GUCY1A2: variants seen among roughly 807,000 people sequenced by gnomAD.
GUCY1A2 encodes guanylate cyclase soluble subunit alpha-2.
GUCY1A2 carries 27 observed loss-of-function variants against 63.5 expected under a neutral mutation model. The ratio of observed to expected loss-of-function variants is 0.43; its 90% CI spans 0.31 to 0.59. The LOEUF is 0.59. Among genes scored for constraint, GUCY1A2 ranks in the 20% least tolerant of loss-of-function variants. GUCY1A2 has a pLI of 0.11. For synonymous variants in GUCY1A2, 364 were observed against 343.5 expected (o/e 1.06, Z -0.66); for missense variants, 768 against 913.3 (o/e 0.84, Z 2.05).
Position 107,018,021 on chromosome 11 carries a change from C to T in GUCY1A2, c.35G>A (p.Ser12Asn). Residue 12 changes from serine to asparagine, a missense_variant, in exon 1 of 8, where the codon AGC becomes AAC. Physicochemically the swap from Ser to Asn is conservative, Grantham distance 46 (BLOSUM62 1). This residue lies in a region of GUCY1A2 where 496 missense variants were observed against 486.9 expected (regional missense o/e 1.02). Transcript: ENST00000526355. ...CTCCAGGTAGTCGGAGCCCAGGGAGCTGAAGGACTCGGACGAAATCTTCCT... is the reference window on the plus strand; with the variant it reads ...CTCCAGGTAGTCGGAGCCCAGGGAGTTGAAGGACTCGGACGAAATCTTCCT... ...SRRKISSESFSSLGSDYLETS... is the reference protein window; with the variant it reads ...SRRKISSESFNSLGSDYLETS... 6.8e-7 allele frequency: 1 copy of T among 1,477,876 alleles called. No homozygotes were observed. Among genetic ancestry groups the T allele is most frequent in the Non-Finnish European group, 9.1e-7 (1 of 1,103,766 alleles). 91.5% of individuals were successfully genotyped at this position (1,477,876 alleles called of 1,614,324 possible). A position where few individuals can be genotyped will look rare whatever the true frequency, so the allele number is the denominator to read the frequency against.
chr11:106,925,527 G>A (rs1860509934), intron 4 of GUCY1A2, among the ~76,000 whole-genome samples: 3 of 152,146 alleles, frequency 2.0e-5, no homozygotes, highest in African/African-American at 7.2e-5. Context: ...AGAAACATAA[G>A]TGGAATAAAT....
At chr11:106,769,496 G>A (rs1864218567) in intron 6 of GUCY1A2, among the ~76,000 whole-genome samples, 1 of 152,068 alleles carries the variant, frequency 6.6e-6, no homozygotes, top group African/African-American at 2.4e-5. Context: ...AACTACAGAA[G>A]AGACTCATAA....
intron 4 of GUCY1A2, among the ~76,000 whole-genome samples, chr11:106,834,397 C>G (rs1393430856): frequency 6.6e-6 from 1 of 151,916 alleles, no homozygotes; most frequent in African/African-American, 2.4e-5. Context: ...TTTTACGTTG[C>G]ATCCAAATAG....
Position 106,685,801 on chromosome 11 carries a change from G to C in GUCY1A2, c.*1748C>G, listed in dbSNP as rs144613558. 5.2e-4 allele frequency: 117 copies of C among 226,448 alleles called. 1 individual carries two copies. In the East Asian group the frequency reaches 7.3e-3, roughly 14 times the overall value. 14.0% of individuals were successfully genotyped at this position (226,448 alleles called of 1,614,324 possible). On this transcript the variant is annotated 3_prime_UTR_variant, in exon 8 of 8. Coordinates refer to ENST00000526355, the MANE Select transcript of GUCY1A2 (RefSeq NM_000855.3). ...CTATTTCCTGTCTTCTCCATATAAA[G>C]AGTGTTGCACTCGTGTCCTTGTAAA...
intron 4 of GUCY1A2, among the ~76,000 whole-genome samples, chr11:106,858,145 G>T (rs1859462293): frequency 6.6e-6 from 1 of 152,052 alleles, no homozygotes; most frequent in Admixed American, 6.6e-5. Context: ...ATATTTAACA[G>T]ATTTCAAAAG....
intron 4 of GUCY1A2, among the ~76,000 whole-genome samples, chr11:106,882,613 T>G (rs145090345): frequency 6.6e-6 from 1 of 152,070 alleles, no homozygotes; most frequent in East Asian, 1.9e-4. Flanking sequence ...TTTATAAATC[T>G]AATCCATAAG....
At chr11:106,761,290 A>G (rs1864062062) in intron 6 of GUCY1A2, among the ~76,000 whole-genome samples, 1 of 152,200 alleles carries the variant, frequency 6.6e-6, no homozygotes, top group Non-Finnish European at 1.5e-5. Context: ...ACAAAATGTT[A>G]GTTATTCACA....
chr11:106,834,119 A>G (rs951052919), intron 4 of GUCY1A2, among the ~76,000 whole-genome samples: 5 of 152,012 alleles, frequency 3.3e-5, no homozygotes, highest in African/African-American at 4.8e-5. Flanking sequence ...TATATAGTAC[A>G]TTAACTATAG....
chr11:106,851,223 T>C (rs772757961), intron 4 of GUCY1A2, among the ~76,000 whole-genome samples: 35 of 151,938 alleles, frequency 2.3e-4, no homozygotes, highest in Admixed American at 8.5e-4. Context: ...TGTTGATTTG[T>C]CTGAGTTCCT....
chr11:106,994,409 C>T (rs1047073840), intron 1 of GUCY1A2, among the ~76,000 whole-genome samples: 7 of 152,208 alleles, frequency 4.6e-5, no homozygotes, highest in Admixed American at 1.3e-4. Flanking sequence ...AAAACATACA[C>T]TCCCTGAAGT....
intron 3 of GUCY1A2, 68 bp from the exon 4 acceptor site, chr11:106,940,246 G>T: frequency 2.7e-6 from 2 of 752,846 alleles, no homozygotes; most frequent in Non-Finnish European, 4.4e-6. Context: ...AGCTTTTTAA[G>T]TGCTTATCAA....
At chr11:106,914,147 G>T (rs528534493) in intron 4 of GUCY1A2, among the ~76,000 whole-genome samples, 1 of 152,036 alleles carries the variant, frequency 6.6e-6, no homozygotes, top group Non-Finnish European at 1.5e-5. Flanking sequence ...TGTGTAGTAA[G>T]TATATTACAC....
At chr11:106,974,045 A>AT (rs1861231351) in intron 3 of GUCY1A2, among the ~76,000 whole-genome samples, 1 of 152,094 alleles carries the variant, frequency 6.6e-6, no homozygotes, top group Admixed American at 6.6e-5. Context: ...GCTGAGATGC[A>AT]TTTTCAACCC....
At chr11:106,708,739 C>G in intron 6 of GUCY1A2, 73 bp from the exon 7 acceptor site, 1 of 863,656 alleles carries the variant, frequency 1.2e-6, no homozygotes, top group Non-Finnish European at 1.7e-6. Flanking sequence ...ATGAAAGGCA[C>G]TGCTAATTAA....
At chr11:106,945,152 GAA>G (rs1387056532) in intron 3 of GUCY1A2, among the ~76,000 whole-genome samples, 4 of 133,914 alleles carry the variant, frequency 3.0e-5, no homozygotes, top group Non-Finnish European at 3.2e-5. Flanking sequence ...TTGGATTCCT[GAA>G]AAAAAAAAAA....
chr11:107,015,297 A>T (rs540591184), intron 1 of GUCY1A2, among the ~76,000 whole-genome samples: 1 of 152,176 alleles, frequency 6.6e-6, no homozygotes, highest in Non-Finnish European at 1.5e-5. Context: ...TTATTTGATC[A>T]TCACAATTAT....
intron 4 of GUCY1A2, among the ~76,000 whole-genome samples, chr11:106,835,843 C>A (rs930383940): frequency 1.3e-5 from 2 of 151,582 alleles, no homozygotes; most frequent in Admixed American, 6.6e-5. Flanking sequence ...ATGAATAACA[C>A]AAAAGAAAAT....
At chr11:106,890,643 C>A (rs1859961191) in intron 4 of GUCY1A2, among the ~76,000 whole-genome samples, 1 of 152,170 alleles carries the variant, frequency 6.6e-6, no homozygotes, top group South Asian at 2.1e-4. Context: ...ATTATGCTAT[C>A]CAATCAATTT....
rs897214237 is a variant in GUCY1A2 at position 106,680,994 on chromosome 11, C to G, written c.*6555G>C. The G allele has an allele frequency of 1.5e-5, 3 of 203,628 alleles. No individual in the cohort carries two copies. The highest frequency in any genetic ancestry group is 3.0e-5 in the Non-Finnish European group (3 of 99,344). The allele number at this position is 203,628 out of a possible 1,614,324, so 12.6% of individuals were successfully genotyped here. A position where few individuals can be genotyped will look rare whatever the true frequency, so the allele number is the denominator to read the frequency against. On this transcript the variant is annotated 3_prime_UTR_variant, in exon 8 of 8. Coordinates refer to ENST00000526355, the MANE Select transcript of GUCY1A2 (RefSeq NM_000855.3). Reference sequence around the variant, plus strand: ...TTAGCTGTAATCCTTATACATTATTCTAAATGATGAAGTAAATTTAACTAC... The same window carrying G: ...TTAGCTGTAATCCTTATACATTATTGTAAATGATGAAGTAAATTTAACTAC...
Sources: gnomAD v4.1 joint callset for allele counts (sites outside exome capture counted in the v4.1 genomes callset) on GRCh38, gnomAD v4.1.1 for gene constraint, gnomAD v4.1.1 regional missense constraint, MANE v1.5 for transcripts, NCBI Gene and HGNC (gene_info 2026-07-23, HGNC 2026-07-21) for gene names.